HEATR4: variants seen among roughly 807,000 people sequenced by gnomAD.
HEATR4 encodes HEAT repeat containing 4, also known as HEAT repeat-containing protein 4.
In HEATR4, 95 loss-of-function variants were observed where a neutral mutation model predicts 108.8. That is an observed-to-expected ratio of 0.87 (90% CI 0.74 to 1.04). The LOEUF (loss-of-function observed/expected upper bound fraction) is 1.04. HEATR4 is among the 50% of genes least tolerant of loss of function. The pLI, the probability that HEATR4 is intolerant of heterozygous loss-of-function variation, is 0.00. For missense variants in HEATR4, 1,152 were observed against 1,253.8 expected (o/e 0.92, Z 1.23); for synonymous variants, 443 against 459.4 (o/e 0.96, Z 0.46).
intron 17 of HEATR4, among the ~76,000 whole-genome samples, chr14:73,488,500 G>A (rs1264304815): frequency 6.6e-6 from 1 of 151,910 alleles, no homozygotes; most frequent in Admixed American, 6.6e-5. Flanking sequence ...TTGATCTCCT[G>A]ACCTCATGAT....
At position 73,492,491 on chromosome 14, in the gene HEATR4, G is replaced by A. The variant is rs764976656; in HGVS notation, c.2844+575C>T. ...CTTGGTTGCCCGCCTGGGACACTTT[G>A]CTCCTGTTGATGCTGTGGCCGACCA... On this transcript the variant is annotated intron_variant, in intron 17 of 17. Coordinates refer to ENST00000553558, the MANE Select transcript of HEATR4 (RefSeq NM_001220484.1). This position sits in a 1 kb window ranked among gnomAD's most constrained non-coding sequence, Gnocchi z 4.9. The A allele has an allele frequency of 6.2e-7, 1 of 1,613,710 alleles. No homozygotes were observed. Among genetic ancestry groups the A allele is most frequent in the East Asian group, 2.2e-5 (1 of 44,882 alleles).
At chr14:73,587,201 C>T in the HEATR4 span, among the ~76,000 whole-genome samples, 1 of 151,580 alleles carries the variant, frequency 6.6e-6, no homozygotes, top group Non-Finnish European at 1.5e-5. Context: ...CATTCTTGGG[C>T]ATTTTTTCTC....
upstream of HEATR4, among the ~76,000 whole-genome samples, chr14:73,560,220 A>G (rs896671074): frequency 1.3e-5 from 2 of 152,124 alleles, no homozygotes; most frequent in African/African-American, 4.8e-5. Flanking sequence ...TCGTTGACCC[A>G]GGTCATGCTA....
chr14:73,613,148 A>C, the HEATR4 span: 96 of 474,632 alleles, frequency 2.0e-4, no homozygotes, highest in East Asian at 3.3e-3. Context: ...AGAGTCTGTC[A>C]TGGATTCTGA....
At chr14:73,483,228 A>C (rs1256957939) in intron 17 of HEATR4, among the ~76,000 whole-genome samples, 1 of 152,196 alleles carries the variant, frequency 6.6e-6, no homozygotes, top group Non-Finnish European at 1.5e-5. Flanking sequence ...TTGGAACATG[A>C]AGTATACTAA....
intron 2 of HEATR4, among the ~76,000 whole-genome samples, chr14:73,524,310 AATATATATATATAT>A (rs58047390): frequency 1.8e-5 from 1 of 54,788 alleles, no homozygotes; most frequent in African/African-American, 8.8e-5. Context: ...AAAAAAAAAA[AATATATATATATAT>A]ATATATATAT....
the HEATR4 span, among the ~76,000 whole-genome samples, chr14:73,599,460 C>T: frequency 6.6e-6 from 1 of 152,042 alleles, no homozygotes; most frequent in Non-Finnish European, 1.5e-5. Context: ...CGAAGTGACA[C>T]GGGCTGCGGT....
At position 73,524,310 on chromosome 14, in the gene HEATR4, A is replaced by AAAAAAAATATATATAT; in HGVS notation, c.-72-1087_-72-1086insATATATATATTTTTTT. On this transcript the variant is annotated intron_variant, in intron 2 of 17. Transcript: ENST00000553558. ...CTCCGTCTCAAAAAAAAAAAAAAAA[A>AAAAAAAATATATATAT]ATATATATATATATATATATATATA... Among the ~76,000 whole-genome samples, 4 of 54,772 alleles carry AAAAAAAATATATATAT rather than the reference A, an allele frequency of 7.3e-5. No homozygotes were observed. In the South Asian group the frequency reaches 2.4e-3, roughly 32 times the overall value. 35.9% of individuals were successfully genotyped at this position (54,772 alleles called of 152,430 possible). A position where few individuals can be genotyped will look rare whatever the true frequency, so the allele number is the denominator to read the frequency against.
At chr14:73,600,605 C>G in the HEATR4 span, among the ~76,000 whole-genome samples, 50 of 152,050 alleles carry the variant, frequency 3.3e-4, no homozygotes, top group African/African-American at 1.1e-3. Flanking sequence ...GCACCCACCA[C>G]CACACCCGGC....
the HEATR4 span, among the ~76,000 whole-genome samples, chr14:73,589,221 C>G: frequency 6.6e-6 from 1 of 152,140 alleles, no homozygotes; most frequent in Non-Finnish European, 1.5e-5. Context: ...AAAAATTGTT[C>G]CAACTATTCA....
the HEATR4 span, chr14:73,569,341 A>G: frequency 1.2e-6 from 2 of 1,613,936 alleles, no homozygotes; most frequent in East Asian, 4.5e-5. Flanking sequence ...TCCCGGCTGT[A>G]CCAATGGAGC....
chr14:73,566,598 G>A, the HEATR4 span, among the ~76,000 whole-genome samples: 24 of 152,158 alleles, frequency 1.6e-4, 1 homozygote, highest in Non-Finnish European at 3.1e-4. Context: ...CTCATTGCCC[G>A]GGGCTGGCAG....
In HEATR4 at chr14:73,543,986, A is replaced by G. The variant is rs1419609235; in HGVS notation, c.-151-13742T>C. On this transcript the variant is annotated intron_variant, in intron 1 of 17. Transcript: ENST00000553558. ...TCTGGTACGTAAATGGAGTTCAATA[A>G]TTATTTGCTGAATGAGTATAAGTGA... 1.8e-5 allele frequency among the ~76,000 whole-genome samples: 2 copies of G among 110,178 alleles called. 1 individual carries two copies. The highest frequency in any genetic ancestry group is 5.8e-5 in the African/African-American group (2 of 34,674). The allele number at this position is 110,178 out of a possible 152,430, so 72.3% of individuals were successfully genotyped here.
At chr14:73,600,525 C>T in the HEATR4 span, among the ~76,000 whole-genome samples, 1 of 152,030 alleles carries the variant, frequency 6.6e-6, no homozygotes, top group African/African-American at 2.4e-5. Context: ...GATCTCAGCT[C>T]ACTACAACTT....
chr14:73,549,272 C>CTGTG lies in HEATR4; in HGVS notation c.-152+9475_-152+9478dup, dbSNP rs1246976246. On this transcript the variant is annotated intron_variant, in intron 1 of 17. Transcript: ENST00000553558. ...AATGCCTCGTGATGTGTGTGTGTGTCTGTGTGTGTGTGTATCTCAGGGGCG... is the reference window on the plus strand; with the variant it reads ...AATGCCTCGTGATGTGTGTGTGTGTCTGTGTGTGTGTGTGTGTATCTCAGGGGCG... 1.8e-5 allele frequency among the ~76,000 whole-genome samples: 2 copies of CTGTG among 112,446 alleles called. 1 individual carries two copies. The highest frequency in any genetic ancestry group is 3.9e-5 in the Non-Finnish European group (2 of 51,738). 73.8% of individuals were successfully genotyped at this position (112,446 alleles called of 152,430 possible). A position where few individuals can be genotyped will look rare whatever the true frequency, so the allele number is the denominator to read the frequency against.
At chr14:73,630,686 A>C in the HEATR4 span, among the ~76,000 whole-genome samples, 4,919 of 152,274 alleles carry the variant, frequency 0.032, 115 homozygotes, top group Non-Finnish European at 0.053. Context: ...GTTTACAGCC[A>C]ATTTTTACAC....
chr14:73,522,480 T>G lies in HEATR4; in HGVS notation c.673A>C (p.Arg225=), dbSNP rs774966582. The part of the protein sequence containing the change: ...ARWIQSKRPR[R]PGASPNKWQS... ...CACTTGTTGGGGGATGCCCCAGGCC[T>G]TCGAGGACGCTTGCTCTGGATCCAT... The change falls in exon 3 of 18, where the codon AGG becomes CGG. Residue 225 remains arginine (R), a synonymous_variant. Coordinates refer to ENST00000553558, the MANE Select transcript of HEATR4 (RefSeq NM_001220484.1). 25 of 1,614,236 alleles carry G rather than the reference T, an allele frequency of 1.5e-5. No homozygotes were observed. In the South Asian group the frequency reaches 2.5e-4, roughly 16 times the overall value.
At chr14:73,501,948 T>C (rs1886491618) in intron 11 of HEATR4, among the ~76,000 whole-genome samples, 1 of 151,880 alleles carries the variant, frequency 6.6e-6, no homozygotes, top group South Asian at 2.1e-4. Context: ...GGTTTCACCA[T>C]GTTAGTCAGG....
intron 17 of HEATR4, 23 bp from the exon 18 acceptor site, chr14:73,478,865 G>A (rs1429878626): frequency 6.4e-7 from 1 of 1,564,218 alleles, no homozygotes; most frequent in African/African-American, 1.4e-5. Flanking sequence ...ATGAAAACAT[G>A]AGTGCATATG....
Sources: allele counts gnomAD v4.1 joint callset (sites outside exome capture counted in the v4.1 genomes callset), GRCh38; gene constraint gnomAD v4.1.1; non-coding constraint Gnocchi (gnomAD v3.1); transcripts MANE v1.5; gene names NCBI Gene and HGNC (gene_info 2026-07-23, HGNC 2026-07-21).